SEMA5A: variants seen among roughly 807,000 people sequenced by gnomAD.
SEMA5A encodes semaphorin-5A.
SEMA5A carries 55 observed loss-of-function variants against 135.5 expected under a neutral mutation model. The observed-to-expected ratio is 0.41, with a 90% CI of 0.33 to 0.51. The LOEUF (loss-of-function observed/expected upper bound fraction) is 0.51. Among genes scored for constraint, SEMA5A ranks in the 20% least tolerant of loss-of-function variants. SEMA5A has a pLI of 0.37. For missense variants in SEMA5A, 1,290 were observed against 1,419.9 expected, an observed-to-expected ratio of 0.91 and a Z score of 1.47; for synonymous variants, 580 against 546.5, an observed-to-expected ratio of 1.06 and a Z score of -0.85.
rs906787844 is a variant in SEMA5A at position 9,036,220 on chromosome 5, A to G, written c.*6677T>C. ...AAGATTCATACTGTGCTTTGTTTCAAAGTGCAGAGGTTCAGCTTGCTTTTG... is the reference window on the plus strand; with the variant it reads ...AAGATTCATACTGTGCTTTGTTTCAGAGTGCAGAGGTTCAGCTTGCTTTTG... On this transcript the variant is annotated 3_prime_UTR_variant, in exon 23 of 23. Coordinates refer to ENST00000382496, the MANE Select transcript of SEMA5A (RefSeq NM_003966.3). The G allele has an allele frequency of 6.6e-6, 1 of 152,236 alleles. No individual in the cohort carries two copies. The highest frequency in any genetic ancestry group is 2.4e-5 in the African/African-American group (1 of 41,458). The allele number at this position is 152,236 out of a possible 1,614,324, so 9.4% of individuals were successfully genotyped here. A position where few individuals can be genotyped will look rare whatever the true frequency, so the allele number is the denominator to read the frequency against.
At position 9,035,634 on chromosome 5, in the gene SEMA5A, A is replaced by G. The variant is rs1735606533; in HGVS notation, c.*7263T>C. 1 of 152,208 alleles carries G rather than the reference A, an allele frequency of 6.6e-6. No homozygotes were observed. The highest frequency in any genetic ancestry group is 1.5e-5 in the Non-Finnish European group (1 of 68,038). The allele number at this position is 152,208 out of a possible 1,614,324, so 9.4% of individuals were successfully genotyped here. A position where few individuals can be genotyped will look rare whatever the true frequency, so the allele number is the denominator to read the frequency against. ...CAACCAGTGAATTGATGGACAGGAAAGATAAAAGTCATGAACATTAGAAAT... is the reference window on the plus strand; with the variant it reads ...CAACCAGTGAATTGATGGACAGGAAGGATAAAAGTCATGAACATTAGAAAT... On this transcript the variant is annotated 3_prime_UTR_variant, in exon 23 of 23. Coordinates refer to ENST00000382496, the MANE Select transcript of SEMA5A (RefSeq NM_003966.3).
intron 3 of SEMA5A, among the ~76,000 whole-genome samples, chr5:9,372,470 T>A (rs1755179471): frequency 6.6e-6 from 1 of 151,824 alleles, no homozygotes; most frequent in Non-Finnish European, 1.5e-5. Flanking sequence ...CATACATACA[T>A]GGAGTTGTGA....
chr5:9,473,385 A>AAAAG (rs1188710758), intron 1 of SEMA5A, among the ~76,000 whole-genome samples: 2 of 145,442 alleles, frequency 1.4e-5, no homozygotes, highest in Non-Finnish European at 3.0e-5. Context: ...ATCAGTGGTA[A>AAAAG]AAAAAAAAAA....
At chr5:9,508,184 A>G (rs1736008879) in intron 1 of SEMA5A, among the ~76,000 whole-genome samples, 1 of 152,098 alleles carries the variant, frequency 6.6e-6, no homozygotes, top group African/African-American at 2.4e-5. Context: ...CAACCACAGC[A>G]TATGCTTTCT....
chr5:9,229,233 G>A (rs565983614), intron 6 of SEMA5A, among the ~76,000 whole-genome samples: 3 of 152,368 alleles, frequency 2.0e-5, no homozygotes, highest in South Asian at 2.1e-4. Context: ...GTAGACTTCA[G>A]AAGAATTACC....
chr5:9,079,595 A>G (rs1738257216), intron 16 of SEMA5A, among the ~76,000 whole-genome samples: 1 of 152,080 alleles, frequency 6.6e-6, no homozygotes. Context: ...CTATCATCAG[A>G]GTGGACAGGC....
At chr5:9,473,803 G>A (rs922746594) in intron 1 of SEMA5A, among the ~76,000 whole-genome samples, 1 of 152,194 alleles carries the variant, frequency 6.6e-6, no homozygotes, top group Admixed American at 6.5e-5. Flanking sequence ...AGGATACCAG[G>A]CATGAATATC....
chr5:9,432,727 G>C (rs919486165), intron 2 of SEMA5A, among the ~76,000 whole-genome samples: 1 of 152,120 alleles, frequency 6.6e-6, no homozygotes, highest in African/African-American at 2.4e-5. Flanking sequence ...ATCAGTGCTC[G>C]AGACTGCACA....
In SEMA5A at chr5:9,037,795, T is replaced by C. The variant is rs545002111; in HGVS notation, c.*5102A>G. On this transcript the variant is annotated 3_prime_UTR_variant, in exon 23 of 23. Coordinates refer to ENST00000382496, the MANE Select transcript of SEMA5A (RefSeq NM_003966.3). ...CCTGAATTCCTTGGCTTAGTGTTTG[T>C]AGAGTTTAAAAAAAAATCTTTAAAT... is the stretch of plus-strand genomic sequence containing the variant. 2.6e-5 allele frequency: 4 copies of C among 152,332 alleles called. No individual in the cohort carries two copies. In the South Asian group the frequency reaches 6.2e-4, roughly 24 times the overall value. The allele number at this position is 152,332 out of a possible 1,614,324, so 9.4% of individuals were successfully genotyped here.
chr5:9,101,145 A>C (rs192557717), intron 16 of SEMA5A, among the ~76,000 whole-genome samples: 1 of 152,220 alleles, frequency 6.6e-6, no homozygotes, highest in Admixed American at 6.5e-5. Flanking sequence ...ATCGAATCTC[A>C]TATAGGTCAT....
In SEMA5A at chr5:9,350,895, C is replaced by T. The variant is rs78125157; in HGVS notation, c.125-13083G>A. 6.4e-3 allele frequency among the ~76,000 whole-genome samples: 980 copies of T among 152,274 alleles called. 9 individuals carry two copies. The highest frequency in any genetic ancestry group is 0.023 in the African/African-American group (947 of 41,548). Reference sequence around the variant, plus strand: ...TCAACCCTAACTGCAAGTATAAATGCTTTTCTGAGTTCTGTGAGTCCTTCT... The same window carrying T: ...TCAACCCTAACTGCAAGTATAAATGTTTTTCTGAGTTCTGTGAGTCCTTCT... On this transcript the variant is annotated intron_variant, in intron 3 of 22. Coordinates refer to ENST00000382496, the MANE Select transcript of SEMA5A (RefSeq NM_003966.3).
At chr5:9,076,478 A>G (rs192029659) in intron 16 of SEMA5A, among the ~76,000 whole-genome samples, 10 of 152,226 alleles carry the variant, frequency 6.6e-5, no homozygotes, top group Admixed American at 6.5e-4. Context: ...GAAGGAGTAA[A>G]TTCAGTATTT....
chr5:9,333,173 C>T (rs1321209679), intron 4 of SEMA5A, among the ~76,000 whole-genome samples: 2 of 152,152 alleles, frequency 1.3e-5, no homozygotes, highest in African/African-American at 2.4e-5. Flanking sequence ...AAAATGTTTT[C>T]ATTTAGAAAA....
chr5:9,197,731 TGTGTGTGTG>T (rs1233810118), intron 9 of SEMA5A, among the ~76,000 whole-genome samples: 1 of 33,570 alleles, frequency 3.0e-5, no homozygotes, highest in African/African-American at 7.8e-5. Flanking sequence ...AAGCTGTTTG[TGTGTGTGTG>T]TGTGTGTGTG....
chr5:9,521,819 C>T (rs559185044), intron 1 of SEMA5A, among the ~76,000 whole-genome samples: 1 of 152,284 alleles, frequency 6.6e-6, no homozygotes, highest in African/African-American at 2.4e-5. Context: ...CCTCCCTTCA[C>T]CCCACAAATC....
chr5:9,311,616 A>T (rs1752139915), intron 5 of SEMA5A, among the ~76,000 whole-genome samples: 1 of 143,478 alleles, frequency 7.0e-6, no homozygotes, highest in South Asian at 2.6e-4. Context: ...GGGGGGAGGG[A>T]TAACATTAGG....
chr5:9,529,624 T>C (rs1172655344), intron 1 of SEMA5A, among the ~76,000 whole-genome samples: 3 of 152,236 alleles, frequency 2.0e-5, no homozygotes, highest in Non-Finnish European at 4.4e-5. Context: ...TCTACTAAAC[T>C]GGGGCCAGAA....
intron 5 of SEMA5A, among the ~76,000 whole-genome samples, chr5:9,302,910 T>A (rs1200395006): frequency 6.6e-6 from 1 of 152,198 alleles, no homozygotes; most frequent in African/African-American, 2.4e-5. Flanking sequence ...GTTTTCTTTA[T>A]GAATCAATCT....
chr5:9,449,480 C>T lies in SEMA5A; in HGVS notation c.-174-11628G>A, dbSNP rs182454645. ...ATGGATGCTGGGCTTAATACCTAGG[C>T]GATGAGATGACCTGTGCAACAAACC... On this transcript the variant is annotated intron_variant, in intron 1 of 22. Transcript: ENST00000382496. 2.4e-3 allele frequency among the ~76,000 whole-genome samples: 359 copies of T among 151,818 alleles called. 1 individual carries two copies. The highest frequency in any genetic ancestry group is 8.2e-3 in the African/African-American group (341 of 41,368).
Sources: allele counts gnomAD v4.1 joint callset (sites outside exome capture counted in the v4.1 genomes callset), GRCh38; gene constraint gnomAD v4.1.1; transcripts MANE v1.5; gene names NCBI Gene and HGNC (gene_info 2026-07-23, HGNC 2026-07-21).